The following ULK2 variants were observed in gnomAD, a reference collection of about 807,000 sequenced individuals.
ULK2 encodes the protein unc-51 like autophagy activating kinase 2.
A neutral mutation model predicts 127.5 loss-of-function variants in ULK2; 76 were observed. That is an observed-to-expected ratio of 0.60 (90% CI 0.50 to 0.72). ULK2 has a LOEUF of 0.72. ULK2 is among the 30% of genes least tolerant of loss of function. The pLI is 0.00. For missense variants in ULK2, 1,144 were observed against 1,295.9 expected, an observed-to-expected ratio of 0.88 and a Z score of 1.80; for synonymous variants, 452 against 461.9, an observed-to-expected ratio of 0.98 and a Z score of 0.28.
At chr17:19,863,401 G>C (rs1288692962) in intron 3 of ULK2, among the ~76,000 whole-genome samples, 1 of 151,864 alleles carries the variant, frequency 6.6e-6, no homozygotes, top group Non-Finnish European at 1.5e-5. Context: ...GCCCTGCAGT[G>C]ACAGTGGAGA....
chr17:19,780,889 A>G, intron 24 of ULK2, 97 bp downstream of exon 24: 1 of 1,211,272 alleles, frequency 8.3e-7, no homozygotes, highest in Non-Finnish European at 1.2e-6. Context: ...AAAAATAAAA[A>G]CAACAGTGAG....
rs866316409 is a variant in ULK2 at position 19,783,810 on chromosome 17, C to T, written c.2347G>A (p.Gly783Arg). The change falls in exon 22 of 27, where the codon GGA (glycine) becomes AGA (arginine). Residue 783 changes from glycine (G) to arginine (R), a missense_variant. By Grantham distance (125) the Gly-to-Arg change is moderately radical. Coordinates refer to ENST00000395544, the MANE Select transcript of ULK2 (RefSeq NM_014683.4). ...CTCAGGCTGGGAGCTGCCTCTGCTC[C>T]TGGAGGGGAAGAGCCGAAGCCTGGG... ...PGPGFGSSPP[G>R]AEAAPSLRYV... The T allele has an allele frequency of 6.2e-7, 1 of 1,604,526 alleles. No homozygotes were observed.
rs780570313 is a variant in ULK2 at position 19,796,056 on chromosome 17, G to GT, written c.1997+38dup. 12 of 1,573,548 alleles carry GT rather than the reference G, an allele frequency of 7.6e-6. No homozygotes were observed. In the African/African-American group the frequency reaches 1.5e-4, roughly 20 times the overall value. Reference sequence around the variant, plus strand: ...CAGAAATCTATGTTTTACTATTACAGTTTTCATGTTTAATGCTAGAATGGA... The same window carrying GT: ...CAGAAATCTATGTTTTACTATTACAGTTTTTCATGTTTAATGCTAGAATGGA... On this transcript the variant is annotated intron_variant, in intron 19 of 26. Coordinates refer to ENST00000395544, the MANE Select transcript of ULK2 (RefSeq NM_014683.4).
Position 19,797,609 on chromosome 17 carries a change from G to A in ULK2, c.1596C>T (p.Leu532=), listed in dbSNP as rs750112397. ...SGARLQSAPT[L]TDIYQNKQKL... Reference sequence around the variant, plus strand: ...TCTGCTTGTTCTGATAGATGTCAGTGAGGGTGGGGGCGCTCTGCAGTCTAG... The same window carrying A: ...TCTGCTTGTTCTGATAGATGTCAGTAAGGGTGGGGGCGCTCTGCAGTCTAG... Residue 532 remains leucine (L), a synonymous_variant, in exon 18 of 27, where the codon CTC becomes CTT. Coordinates refer to ENST00000395544, the MANE Select transcript of ULK2 (RefSeq NM_014683.4). The A allele has an allele frequency of 6.2e-7, 1 of 1,613,624 alleles. No homozygotes were observed. The highest frequency in any genetic ancestry group is 8.5e-7 in the Non-Finnish European group (1 of 1,179,840).
intron 8 of ULK2, among the ~76,000 whole-genome samples, chr17:19,842,417 G>A (rs974081774): frequency 1.3e-5 from 2 of 151,598 alleles, no homozygotes; most frequent in East Asian, 1.9e-4. Flanking sequence ...GGCTGGTCTC[G>A]AACTCCCGAC....
In ULK2 at chr17:19,775,891, G is replaced by A. The variant is rs939706160; in HGVS notation, c.*458C>T. 1 of 154,154 alleles carries A rather than the reference G, an allele frequency of 6.5e-6. No homozygotes were observed. Among genetic ancestry groups the A allele is most frequent in the African/African-American group, 2.4e-5 (1 of 41,518 alleles). 9.5% of individuals were successfully genotyped at this position (154,154 alleles called of 1,614,324 possible). A position where few individuals can be genotyped will look rare whatever the true frequency, so the allele number is the denominator to read the frequency against. On this transcript the variant is annotated 3_prime_UTR_variant, in exon 27 of 27. Transcript: ENST00000395544. The stretch of plus-strand genomic sequence containing the variant: ...TGAGCTGTTTAAAGATGCATGCTCA[G>A]ATTTAAACAAACTTACTCCAAATAT...
chr17:19,863,012 G>A (rs1002593509), intron 3 of ULK2, among the ~76,000 whole-genome samples: 4 of 152,006 alleles, frequency 2.6e-5, no homozygotes, highest in Admixed American at 6.6e-5. Flanking sequence ...TCAGGAGTTC[G>A]AGACCAGCAT....
chr17:19,838,755 CT>C lies in ULK2; in HGVS notation c.705-173del, dbSNP rs1644306520. Among the ~76,000 whole-genome samples, 5 of 152,198 alleles carry C rather than the reference CT, an allele frequency of 3.3e-5. No homozygotes were observed. The South Asian group carries it at 1.0e-3, about 32-fold the overall frequency. On this transcript the variant is annotated intron_variant, in intron 9 of 26. Transcript: ENST00000395544. ...CTAAAGAAGGGAAAAAAGCCGGGTGCTGTGGTTCACGCCTGTAATCCCAGCA... is the reference window on the plus strand; with the variant it reads ...CTAAAGAAGGGAAAAAAGCCGGGTGCGTGGTTCACGCCTGTAATCCCAGCA...
At position 19,853,099 on chromosome 17, in the gene ULK2, C is replaced by A. The variant is rs189277926; in HGVS notation, c.226-3325G>T. ...CAATTCAAAGAAAACTTCCTGGTTTCTTTTTTATTTTAAAGTGACATTTTT... is the reference window on the plus strand; with the variant it reads ...CAATTCAAAGAAAACTTCCTGGTTTATTTTTTATTTTAAAGTGACATTTTT... On this transcript the variant is annotated intron_variant, in intron 3 of 26. Transcript: ENST00000395544. Among the ~76,000 whole-genome samples the A allele has an allele frequency of 2.0e-5, 3 of 150,446 alleles. No individual in the cohort carries two copies. In the East Asian group the frequency reaches 5.8e-4, roughly 29 times the overall value.
At chr17:19,857,085 C>G (rs1032010799) in intron 3 of ULK2, among the ~76,000 whole-genome samples, 15 of 150,838 alleles carry the variant, frequency 9.9e-5, no homozygotes, top group African/African-American at 3.2e-4. Flanking sequence ...ACGGGCAGAT[C>G]ACCTGAGGTC....
At chr17:19,801,689 G>A (rs2087402212) in intron 16 of ULK2, 88 bp downstream of exon 16, 1 of 1,573,128 alleles carries the variant, frequency 6.4e-7, no homozygotes, top group Non-Finnish European at 8.6e-7. Context: ...CTGCCATCAT[G>A]AGCCGAAGTT....
chr17:19,853,648 T>A (rs995785042), intron 3 of ULK2, among the ~76,000 whole-genome samples: 1 of 151,410 alleles, frequency 6.6e-6, no homozygotes, highest in Non-Finnish European at 1.5e-5. Context: ...CTCAGCTCAC[T>A]GCAACCTCCA....
Position 19,795,734 on chromosome 17 carries a change from A to G in ULK2, c.1998-9T>C, listed in dbSNP as rs1416193868. 1.6e-5 allele frequency: 26 copies of G among 1,609,406 alleles called. No individual in the cohort carries two copies. The highest frequency in any genetic ancestry group is 2.0e-5 in the Non-Finnish European group (24 of 1,175,938). ...TCCCGGTACTGACAGATCTAAAAAG[A>G]ATAGTGATGTTTTTAATAAAGGAAA... On this transcript the variant is annotated splice_polypyrimidine_tract_variant and intron_variant, in intron 19 of 26. Coordinates refer to ENST00000395544, the MANE Select transcript of ULK2 (RefSeq NM_014683.4).
At position 19,841,529 on chromosome 17, in the gene ULK2, A is replaced by T; in HGVS notation, c.664T>A (p.Leu222Ile). ...PPFQANSPQDLRMFYEKNRSL... is the reference protein window; with the variant it reads ...PPFQANSPQDIRMFYEKNRSL... ...CTGTTTTTTTCATAAAACATCCTTA[A>T]GTCTTGAGGACTATTGGCCTATTAA... The change falls in exon 9 of 27, where the codon TTA becomes ATA. Residue 222 changes from leucine to isoleucine, a missense_variant. This residue lies in a region of ULK2 where 231 missense variants were observed against 325.4 expected (regional missense o/e 0.71). Coordinates refer to ENST00000395544, the MANE Select transcript of ULK2 (RefSeq NM_014683.4). 6.3e-7 allele frequency: 1 copy of T among 1,592,222 alleles called. No individual in the cohort carries two copies. The highest frequency in any genetic ancestry group is 8.5e-7 in the Non-Finnish European group (1 of 1,174,378).
intron 3 of ULK2, among the ~76,000 whole-genome samples, chr17:19,858,633 C>T (rs1046023694): frequency 6.6e-6 from 1 of 151,566 alleles, no homozygotes; most frequent in African/African-American, 2.4e-5. Flanking sequence ...TGTAAAAAGA[C>T]AAATACAGCA....
chr17:19,797,626 G>A lies in ULK2; in HGVS notation c.1579C>T (p.Gln527Ter). ...PQSLLSGARL[Q>*]SAPTLTDIYQ... ...ATGTCAGTGAGGGTGGGGGCGCTCT[G>A]CAGTCTAGCACCCGATAAGAGAGAC... Residue 527 changes from glutamine to a stop codon, truncating the protein, a stop_gained, in exon 18 of 27, where the codon CAG becomes TAG. Coordinates refer to ENST00000395544, the MANE Select transcript of ULK2 (RefSeq NM_014683.4). LOFTEE classifies it high-confidence loss of function. 1 of 1,611,694 alleles carries A rather than the reference G, an allele frequency of 6.2e-7. No individual in the cohort carries two copies. Among genetic ancestry groups the A allele is most frequent in the Non-Finnish European group, 8.5e-7 (1 of 1,178,908 alleles).
intron 12 of ULK2, among the ~76,000 whole-genome samples, chr17:19,822,224 G>A (rs1256950962): frequency 2.7e-5 from 4 of 149,568 alleles, no homozygotes; most frequent in African/African-American, 7.4e-5. Flanking sequence ...AATCTCAAGC[G>A]ATCCACCCAC....
At chr17:19,824,446 CAAAAAAAAAAAAAAA>C (rs397943235) in intron 12 of ULK2, among the ~76,000 whole-genome samples, 1,024 of 9,936 alleles carry the variant, frequency 0.1, 43 homozygotes, top group African/African-American at 0.2. Context: ...AACTCCATCT[CAAAAAAAAAAAAAAA>C]AAAAAAAAAA....
At chr17:19,783,008 T>C (rs1000904256) in intron 22 of ULK2, among the ~76,000 whole-genome samples, 2 of 152,228 alleles carry the variant, frequency 1.3e-5, no homozygotes, top group Non-Finnish European at 2.9e-5. Flanking sequence ...TATAAATGCA[T>C]TCTGAAATCT....
Sources: allele counts gnomAD v4.1 joint callset (sites outside exome capture counted in the v4.1 genomes callset), GRCh38; gene constraint gnomAD v4.1.1; regional missense constraint gnomAD v4.1.1; transcripts MANE v1.5; gene names NCBI Gene and HGNC (gene_info 2026-07-23, HGNC 2026-07-21).